The following SUMF1 variants were observed in gnomAD, a reference collection of about 807,000 sequenced individuals.
The protein encoded by SUMF1 is formylglycine-generating enzyme.
Under a neutral mutation model 47.6 loss-of-function variants are expected in SUMF1, and 48 were observed. That is an observed-to-expected ratio of 1.01 (90% CI 0.80 to 1.28). The LOEUF (loss-of-function observed/expected upper bound fraction) is 1.28. Among genes scored for constraint, SUMF1 ranks in the 50% most tolerant of loss-of-function variants. SUMF1 has a pLI of 0.00. For missense variants in SUMF1, 571 were observed against 485.4 expected, an observed-to-expected ratio of 1.18 and a Z score of -1.66; for synonymous variants, 230 against 192.1, an observed-to-expected ratio of 1.20 and a Z score of -1.63.
At chr3:4,350,609 A>T (rs1699478984) in intron 8 of SUMF1, among the ~76,000 whole-genome samples, 1 of 152,144 alleles carries the variant, frequency 6.6e-6, no homozygotes, top group South Asian at 2.1e-4. Context: ...CTGATAACTA[A>T]AAAATAATAA....
chr3:4,048,313 A>G (rs555502932), intron 9 of SUMF1, among the ~76,000 whole-genome samples: 1 of 152,296 alleles, frequency 6.6e-6, no homozygotes, highest in Non-Finnish European at 1.5e-5. Context: ...TTAATAGCAT[A>G]TACGGTATGC....
intron 3 of SUMF1, among the ~76,000 whole-genome samples, chr3:4,427,514 CA>C (rs1253172062): frequency 6.6e-6 from 1 of 152,180 alleles, no homozygotes. Flanking sequence ...AGGCTAAAAA[CA>C]AATTCATCAT....
chr3:4,459,927 GA>G (rs1168352632), intron 1 of SUMF1, among the ~76,000 whole-genome samples: 1 of 152,144 alleles, frequency 6.6e-6, no homozygotes, highest in Admixed American at 6.5e-5. Context: ...TTTTCCAACT[GA>G]AAAGGGCTGG....
intron 6 of SUMF1, among the ~76,000 whole-genome samples, chr3:4,413,746 C>T (rs1004542725): frequency 6.6e-6 from 1 of 151,984 alleles, no homozygotes; most frequent in Non-Finnish European, 1.5e-5. Flanking sequence ...TCAGGTCTAG[C>T]TGGGTGTGGT....
At chr3:4,374,167 T>C (rs1700253996) in intron 8 of SUMF1, among the ~76,000 whole-genome samples, 2 of 152,188 alleles carry the variant, frequency 1.3e-5, no homozygotes, top group African/African-American at 2.4e-5. Context: ...TTCAACCCTA[T>C]ACTGAAGGTT....
At chr3:4,466,717 G>A (rs1410370659) in intron 1 of SUMF1, among the ~76,000 whole-genome samples, 4 of 152,166 alleles carry the variant, frequency 2.6e-5, no homozygotes, top group Non-Finnish European at 4.4e-5. Context: ...TCCTCATTAA[G>A]AGAACAGGTT....
intron 8 of SUMF1, among the ~76,000 whole-genome samples, chr3:4,175,982 T>C (rs1412563016): frequency 6.6e-6 from 1 of 151,968 alleles, no homozygotes; most frequent in Non-Finnish European, 1.5e-5. Context: ...AAAACAAGGT[T>C]AGAGAAAGAA....
At chr3:4,082,795 T>G (rs537613656) in intron 8 of SUMF1, among the ~76,000 whole-genome samples, 1 of 152,112 alleles carries the variant, frequency 6.6e-6, no homozygotes, top group Admixed American at 6.6e-5. Context: ...AGAATGGGTA[T>G]GATTTCACTA....
At chr3:4,102,885 G>C (rs1041858220) in intron 8 of SUMF1, among the ~76,000 whole-genome samples, 1 of 151,460 alleles carries the variant, frequency 6.6e-6, no homozygotes, top group Admixed American at 6.6e-5. Context: ...AAAGGAGAAA[G>C]AGGCAGAAGA....
chr3:4,283,274 TTGTATTAAAAGAAACAAG>T (rs1241567925), intron 8 of SUMF1, among the ~76,000 whole-genome samples: 2 of 152,248 alleles, frequency 1.3e-5, no homozygotes, highest in African/African-American at 4.8e-5. Context: ...AAATGCCCAT[TTGTATTAAAAGAAACAAG>T]TATCATTTCA....
intron 8 of SUMF1, among the ~76,000 whole-genome samples, chr3:4,349,528 C>T (rs189944343): frequency 5.3e-5 from 8 of 152,138 alleles, no homozygotes; most frequent in Non-Finnish European, 7.3e-5. Flanking sequence ...TAAAGACACA[C>T]GCACATGTAT....
intron 8 of SUMF1, among the ~76,000 whole-genome samples, chr3:4,148,183 A>G (rs1694238981): frequency 6.6e-6 from 1 of 152,152 alleles, no homozygotes; most frequent in African/African-American, 2.4e-5. Context: ...ATTTCACCCT[A>G]GCTAATCAGG....
At chr3:4,217,073 A>C (rs1011833673) in intron 8 of SUMF1, among the ~76,000 whole-genome samples, 37 of 152,166 alleles carry the variant, frequency 2.4e-4, no homozygotes, top group African/African-American at 8.7e-4. Flanking sequence ...ACGTATGTTT[A>C]TTGTGGCACT....
At chr3:4,343,592 C>A (rs1308358360) in intron 8 of SUMF1, among the ~76,000 whole-genome samples, 1 of 152,238 alleles carries the variant, frequency 6.6e-6, no homozygotes, top group Non-Finnish European at 1.5e-5. Flanking sequence ...CCCCTGACAA[C>A]TATGCCTGCA....
intron 7 of SUMF1, among the ~76,000 whole-genome samples, chr3:4,408,539 C>T (rs1701443166): frequency 6.6e-6 from 1 of 152,158 alleles, no homozygotes; most frequent in African/African-American, 2.4e-5. Flanking sequence ...AGAATTTATA[C>T]TTAATCAGCC....
chr3:4,432,601 T>A (rs1189723376), intron 3 of SUMF1, among the ~76,000 whole-genome samples: 1 of 152,206 alleles, frequency 6.6e-6, no homozygotes, highest in East Asian at 1.9e-4. Flanking sequence ...TCAGCTCAGA[T>A]GTCATCACCT....
chr3:4,467,100 G>A lies in SUMF1; in HGVS notation c.146C>T (p.Ser49Phe), dbSNP rs374724319. The change falls in exon 1 of 9, where the codon TCT becomes TTT. Residue 49 changes from serine (S) to phenylalanine (F), a missense_variant. Ser to Phe is a radical substitution (Grantham distance 155). Coordinates refer to ENST00000272902, the MANE Select transcript of SUMF1 (RefSeq NM_182760.4). ...CCGCTGGGGCGTGCCGCAGCCGCAA[G>A]AACCCGCAAGGGACCCCGCGCCCGC... ...TGAGAGSLAGSCGCGTPQRPG... is the reference protein window; with the variant it reads ...TGAGAGSLAGFCGCGTPQRPG... The A allele has an allele frequency of 3.2e-6, 5 of 1,562,452 alleles. No individual in the cohort carries two copies. Among genetic ancestry groups the A allele is most frequent in the African/African-American group, 2.7e-5 (2 of 73,530 alleles).
At chr3:4,271,194 G>C (rs1022167892) in intron 8 of SUMF1, among the ~76,000 whole-genome samples, 1 of 152,134 alleles carries the variant, frequency 6.6e-6, no homozygotes, top group Non-Finnish European at 1.5e-5. Context: ...ATGAGGAAAA[G>C]TTTTTAACTC....
chr3:4,283,898 A>C (rs1697577461), intron 8 of SUMF1, among the ~76,000 whole-genome samples: 2 of 152,152 alleles, frequency 1.3e-5, no homozygotes, highest in Non-Finnish European at 2.9e-5. Flanking sequence ...ATGGTAGAAG[A>C]GGTATGGGAT....
Sources: allele counts gnomAD v4.1 joint callset (sites outside exome capture counted in the v4.1 genomes callset), GRCh38; gene constraint gnomAD v4.1.1; transcripts MANE v1.5; gene names NCBI Gene and HGNC (gene_info 2026-07-23, HGNC 2026-07-21).